The following CNTNAP2 variants were observed in gnomAD, a reference collection of about 807,000 sequenced individuals.
CNTNAP2 encodes contactin-associated protein-like 2.
In CNTNAP2, 98 loss-of-function variants were observed where a neutral mutation model predicts 155.2. The observed-to-expected ratio is 0.63, with a 90% CI of 0.54 to 0.75. CNTNAP2 has a LOEUF of 0.75. Ranked by LOEUF, CNTNAP2 falls within the 30% of genes least tolerant of loss-of-function variation. CNTNAP2 has a pLI of 0.00. For synonymous variants in CNTNAP2, 651 were observed against 631.2 expected (o/e 1.03, Z -0.47); for missense variants, 1,727 against 1,688.1 (o/e 1.02, Z -0.40).
intron 4 of CNTNAP2, chr7:147,083,216 G>T (rs1800174892): frequency 6.6e-6 from 1 of 152,066 alleles, no homozygotes; most frequent in Admixed American, 6.6e-5. Flanking sequence ...TAAAATCAAG[G>T]CTTGTCTGAG....
At chr7:146,584,871 T>C (rs987792359) in intron 1 of CNTNAP2, among the ~76,000 whole-genome samples, 4 of 152,166 alleles carry the variant, frequency 2.6e-5, no homozygotes, top group Admixed American at 2.6e-4. Context: ...TATGTATCAC[T>C]GTATGAAGAA....
intron 8 of CNTNAP2, among the ~76,000 whole-genome samples, chr7:147,148,338 C>T (rs895525098): frequency 1.4e-5 from 2 of 141,386 alleles, no homozygotes; most frequent in African/African-American, 5.3e-5. Context: ...TGCAGTGAGC[C>T]GAGATCCCGC....
intron 14 of CNTNAP2, among the ~76,000 whole-genome samples, chr7:147,920,355 CA>C (rs35672069): frequency 5.3e-4 from 46 of 86,832 alleles, no homozygotes; most frequent in East Asian, 2.6e-3. Context: ...GACTCCGTCT[CA>C]AAAAAAAAAA....
In CNTNAP2 at chr7:147,108,147, G is replaced by C; in HGVS notation, c.551G>C (p.Trp184Ser). Reference protein sequence around the residue: ...LRIEVYGCSYWADVINFDGHV... With the variant: ...LRIEVYGCSYSADVINFDGHV... ...TATGTTATTTTTTTTTTTGTTTTAG[G>C]GGCTGATGTTATCAACTTTGATGGC... The change falls in exon 5 of 24, where the codon TGG (tryptophan) becomes TCG (serine). Residue 184 changes from tryptophan to serine, a missense_variant and splice_region_variant. By Grantham distance (177) the Trp-to-Ser change is radical. Coordinates refer to ENST00000361727, the MANE Select transcript of CNTNAP2 (RefSeq NM_014141.6). 1 of 1,612,374 alleles carries C rather than the reference G, an allele frequency of 6.2e-7. No homozygotes were observed. The highest frequency in any genetic ancestry group is 8.5e-7 in the Non-Finnish European group (1 of 1,179,280).
At chr7:147,857,928 C>A (rs1799067376) in intron 13 of CNTNAP2, among the ~76,000 whole-genome samples, 1 of 152,136 alleles carries the variant, frequency 6.6e-6, no homozygotes, top group Non-Finnish European at 1.5e-5. Context: ...AATATCAATT[C>A]CCTTCAGAGA....
At chr7:147,348,030 G>A (rs534518073) in intron 9 of CNTNAP2, among the ~76,000 whole-genome samples, 1 of 151,980 alleles carries the variant, frequency 6.6e-6, no homozygotes. Flanking sequence ...AACTCTAAAT[G>A]GATCAAAAAC....
At chr7:148,153,926 G>T (rs1274801850) in intron 17 of CNTNAP2, among the ~76,000 whole-genome samples, 1 of 152,200 alleles carries the variant, frequency 6.6e-6, no homozygotes, top group African/African-American at 2.4e-5. Context: ...ACTGCTCTTG[G>T]CAGTCATTAA....
At chr7:147,141,942 G>A (rs1348794468) in intron 8 of CNTNAP2, among the ~76,000 whole-genome samples, 4 of 152,176 alleles carry the variant, frequency 2.6e-5, no homozygotes, top group Non-Finnish European at 5.9e-5. Flanking sequence ...AGACTTTGCT[G>A]AAGTTGCCTA....
intron 1 of CNTNAP2, among the ~76,000 whole-genome samples, chr7:146,695,111 T>A (rs1800760184): frequency 2.0e-5 from 3 of 152,174 alleles, no homozygotes; most frequent in South Asian, 2.1e-4. Context: ...AGTACTTTCA[T>A]GACAATGTTG....
chr7:146,958,889 C>G (rs1298863107), intron 3 of CNTNAP2, among the ~76,000 whole-genome samples: 1 of 151,944 alleles, frequency 6.6e-6, no homozygotes, highest in East Asian at 1.9e-4. Context: ...TTTAGAAATC[C>G]TCTTCTTATC....
intron 1 of CNTNAP2, among the ~76,000 whole-genome samples, chr7:146,384,364 T>G (rs115932655): frequency 1.9e-4 from 29 of 152,250 alleles, no homozygotes; most frequent in African/African-American, 6.5e-4. Context: ...GATCAAGCAG[T>G]GAAGATATCC....
At chr7:147,615,178 C>A (rs1260368755) in intron 12 of CNTNAP2, among the ~76,000 whole-genome samples, 1 of 143,012 alleles carries the variant, frequency 7.0e-6, no homozygotes, top group African/African-American at 2.6e-5. Flanking sequence ...GTGGAAGGAT[C>A]ACTTGAGCCT....
At chr7:147,531,622 C>A (rs1373109725) in intron 11 of CNTNAP2, among the ~76,000 whole-genome samples, 7 of 152,144 alleles carry the variant, frequency 4.6e-5, no homozygotes, top group African/African-American at 1.2e-4. Context: ...CTGGGCCTGG[C>A]CCATGAAACC....
chr7:146,745,536 A>C (rs1290908108), intron 1 of CNTNAP2, among the ~76,000 whole-genome samples: 5 of 152,128 alleles, frequency 3.3e-5, no homozygotes, highest in Admixed American at 1.3e-4. Context: ...TGGGAGGCCA[A>C]GGTGGGTGTA....
chr7:146,385,733 C>T (rs1316796667), intron 1 of CNTNAP2, among the ~76,000 whole-genome samples: 1 of 152,146 alleles, frequency 6.6e-6, no homozygotes, highest in Admixed American at 6.5e-5. Context: ...AAGCTGCTTT[C>T]TCATAATATC....
At chr7:146,280,816 T>A (rs1368061503) in intron 1 of CNTNAP2, among the ~76,000 whole-genome samples, 3 of 152,184 alleles carry the variant, frequency 2.0e-5, no homozygotes, top group Non-Finnish European at 4.4e-5. Context: ...TCATTCTCTT[T>A]GCTACAGTGC....
At chr7:147,443,994 C>T (rs552772692) in intron 10 of CNTNAP2, among the ~76,000 whole-genome samples, 1 of 152,306 alleles carries the variant, frequency 6.6e-6, no homozygotes, top group Non-Finnish European at 1.5e-5. Flanking sequence ...GTCTCCTATG[C>T]ACCATTCACA....
intron 1 of CNTNAP2, among the ~76,000 whole-genome samples, chr7:146,602,096 C>A (rs1798959647): frequency 6.6e-6 from 1 of 151,944 alleles, no homozygotes; most frequent in African/African-American, 2.4e-5. Flanking sequence ...GTTAAATAAT[C>A]AATTTGAAGT....
intron 14 of CNTNAP2, among the ~76,000 whole-genome samples, chr7:147,920,257 G>A (rs1455009415): frequency 2.7e-5 from 4 of 150,626 alleles, no homozygotes; most frequent in Non-Finnish European, 4.4e-5. Context: ...TCAGGAGACT[G>A]AGGCAGGAGA....
Sources: allele counts gnomAD v4.1 joint callset (sites outside exome capture counted in the v4.1 genomes callset), GRCh38; gene constraint gnomAD v4.1.1; transcripts MANE v1.5; gene names NCBI Gene and HGNC (gene_info 2026-07-23, HGNC 2026-07-21).